Variants in PRKCQ observed in about 807,000 individuals in gnomAD.
The protein encoded by PRKCQ is protein kinase C theta type.
PRKCQ carries 41 observed loss-of-function variants against 91.2 expected under a neutral mutation model. The observed-to-expected ratio is 0.45, with a 90% CI of 0.35 to 0.58. PRKCQ has a LOEUF of 0.58. Ranked by LOEUF, PRKCQ falls within the 20% of genes least tolerant of loss-of-function variation. The pLI is 0.00. For synonymous variants in PRKCQ, 307 were observed against 316.9 expected (o/e 0.97, Z 0.33); for missense variants, 673 against 896.5 (o/e 0.75, Z 3.18).
intron 1 of PRKCQ, among the ~76,000 whole-genome samples, chr10:6,538,844 A>G (rs1377397791): frequency 6.6e-6 from 1 of 151,906 alleles, no homozygotes. Context: ...GTTCACTGCA[A>G]CCTCCACCTC....
At chr10:6,408,396 C>T in the PRKCQ span, among the ~76,000 whole-genome samples, 17 of 152,208 alleles carry the variant, frequency 1.1e-4, no homozygotes, top group African/African-American at 3.1e-4. Flanking sequence ...TCACTCTTGT[C>T]GCCCCCGCTA....
chr10:6,523,647 A>C (rs1048521319), intron 1 of PRKCQ, among the ~76,000 whole-genome samples: 1 of 152,134 alleles, frequency 6.6e-6, no homozygotes, highest in Non-Finnish European at 1.5e-5. Context: ...CCCCCAAAAA[A>C]CCAACAATAG....
chr10:6,403,514 A>T, the PRKCQ span, among the ~76,000 whole-genome samples: 14 of 151,760 alleles, frequency 9.2e-5, no homozygotes, highest in African/African-American at 3.4e-4. Context: ...TTCCCGGCTC[A>T]CTCTCAGGTT....
chr10:6,529,053 G>A (rs1839295796), intron 1 of PRKCQ, among the ~76,000 whole-genome samples: 1 of 152,212 alleles, frequency 6.6e-6, no homozygotes, highest in Admixed American at 6.5e-5. Flanking sequence ...CAGGGCGCCT[G>A]TGCCTATCTG....
intron 16 of PRKCQ, among the ~76,000 whole-genome samples, chr10:6,438,645 G>T (rs1227866278): frequency 6.6e-6 from 1 of 152,114 alleles, no homozygotes; most frequent in Non-Finnish European, 1.5e-5. Context: ...ACCTAGGCTG[G>T]AGTGCAGTGG....
At chr10:6,462,246 T>C (rs532767243) in intron 14 of PRKCQ, 57 bp downstream of exon 14, 1 of 1,513,496 alleles carries the variant, frequency 6.6e-7, no homozygotes, top group African/African-American at 1.4e-5. Context: ...AATGATTAAA[T>C]TAACTGAGCC....
At chr10:6,518,350 T>C (rs1286503095) in intron 1 of PRKCQ, among the ~76,000 whole-genome samples, 1 of 152,306 alleles carries the variant, frequency 6.6e-6, no homozygotes, top group East Asian at 1.9e-4. Flanking sequence ...ATCAGATCTT[T>C]TAAAAAATTA....
chr10:6,543,587 T>C (rs1170679745), intron 1 of PRKCQ, among the ~76,000 whole-genome samples: 1 of 152,116 alleles, frequency 6.6e-6, no homozygotes, highest in East Asian at 1.9e-4. Context: ...TACTTTGTGG[T>C]TACCTAAGGA....
intron 7 of PRKCQ, among the ~76,000 whole-genome samples, chr10:6,495,279 A>G (rs991121017): frequency 1.3e-5 from 2 of 151,926 alleles, no homozygotes; most frequent in Non-Finnish European, 2.9e-5. Context: ...CTCCAAAGAA[A>G]CCCCGCATGA....
At chr10:6,453,340 C>T (rs1834815844) in intron 15 of PRKCQ, among the ~76,000 whole-genome samples, 1 of 152,184 alleles carries the variant, frequency 6.6e-6, no homozygotes, top group Admixed American at 6.5e-5. Flanking sequence ...CACTGGCCAT[C>T]AGAGAAATGC....
At chr10:6,556,722 T>C (rs1002610703) in intron 1 of PRKCQ, among the ~76,000 whole-genome samples, 5 of 152,194 alleles carry the variant, frequency 3.3e-5, no homozygotes, top group African/African-American at 9.7e-5. Flanking sequence ...ATTTGATTTA[T>C]TGCTGAATTT....
At chr10:6,424,569 G>A (rs77872345), downstream of PRKCQ, among the ~76,000 whole-genome samples, 4 of 152,136 alleles carry the variant, frequency 2.6e-5, no homozygotes, top group East Asian at 5.8e-4. Context: ...GGATGTTCCC[G>A]GTCTGTGGGT....
chr10:6,487,364 G>A (rs1239039402), intron 8 of PRKCQ, among the ~76,000 whole-genome samples: 2 of 152,216 alleles, frequency 1.3e-5, no homozygotes, highest in Admixed American at 6.5e-5. Context: ...AGAAAGAGGA[G>A]AGGGAAATAC....
Position 6,465,763 on chromosome 10 carries a change from C to A in PRKCQ, c.1354-1359G>T, listed in dbSNP as rs1459632044. ...AGAATGGGGAAACCAAGTATTGTGG[C>A]AATTATCTCAATAATCCAGGTCAAG... On this transcript the variant is annotated intron_variant, in intron 12 of 17. Transcript: ENST00000263125. The surrounding 1 kb of genome is among the most constrained non-coding windows in gnomAD (Gnocchi z 4.4). Among the ~76,000 whole-genome samples, 1 of 152,214 alleles carries A rather than the reference C, an allele frequency of 6.6e-6. No homozygotes were observed. The highest frequency in any genetic ancestry group is 1.5e-5 in the Non-Finnish European group (1 of 68,026).
intron 14 of PRKCQ, among the ~76,000 whole-genome samples, chr10:6,460,205 C>G (rs1442237352): frequency 1.3e-5 from 2 of 151,642 alleles, no homozygotes. Flanking sequence ...CCTAAGAAGG[C>G]TTAAAGAACA....
intron 16 of PRKCQ, among the ~76,000 whole-genome samples, chr10:6,431,586 T>C (rs1166497132): frequency 6.6e-6 from 1 of 152,196 alleles, no homozygotes; most frequent in Non-Finnish European, 1.5e-5. Flanking sequence ...TTGTGCAGTA[T>C]AACTCCTGGT....
chr10:6,431,017 G>T, intron 16 of PRKCQ, 79 bp from the exon 17 acceptor site: 1 of 1,512,402 alleles, frequency 6.6e-7, no homozygotes, highest in Non-Finnish European at 8.9e-7. Context: ...GCTTCCTGGT[G>T]CACCAGCCCC....
Position 6,478,995 on chromosome 10 carries a change from G to C in PRKCQ, c.1350C>G (p.Thr450=), listed in dbSNP as rs763627120. Residue 450 remains threonine (T), a synonymous_variant, in exon 12 of 18, where the codon ACC becomes ACG. Coordinates refer to ENST00000263125, the MANE Select transcript of PRKCQ (RefSeq NM_006257.5). ...GTTGTCGGAGCAGAAGCCATACCTT[G>C]GTCTGGAATGTACAAAACATGTGCG... ...FLTHMFCTFQ[T]KENLFFVMEY... is the part of the protein sequence containing the mutation. 2.5e-6 allele frequency: 4 copies of C among 1,613,914 alleles called. No individual in the cohort carries two copies. Among genetic ancestry groups the C allele is most frequent in the Non-Finnish European group, 3.4e-6 (4 of 1,179,974 alleles).
At chr10:6,486,420 G>C (rs1242115250) in intron 8 of PRKCQ, among the ~76,000 whole-genome samples, 6 of 152,158 alleles carry the variant, frequency 3.9e-5, no homozygotes, top group Non-Finnish European at 5.9e-5. Flanking sequence ...CTTTCCAGAA[G>C]ATGCCCACCT....
Sources: gnomAD v4.1 joint callset for allele counts (sites outside exome capture counted in the v4.1 genomes callset) on GRCh38, gnomAD v4.1.1 for gene constraint, Gnocchi (gnomAD v3.1) non-coding constraint, MANE v1.5 for transcripts, NCBI Gene and HGNC (gene_info 2026-07-23, HGNC 2026-07-21) for gene names.